The following MMP20 variants were observed in gnomAD, a reference collection of about 807,000 sequenced individuals.
MMP20 encodes the protein matrix metallopeptidase 20.
MMP20 carries 50 observed loss-of-function variants against 51.8 expected under a neutral mutation model. The observed-to-expected ratio is 0.97, with a 90% CI of 0.77 to 1.22. The LOEUF (loss-of-function observed/expected upper bound fraction) is 1.22, where lower values mean the gene tolerates loss of function less well. Ranked by LOEUF, MMP20 falls within the 50% of genes most tolerant of loss-of-function variation. The pLI, the probability that MMP20 is intolerant of heterozygous loss-of-function variation, is 0.00. For missense variants in MMP20, 663 were observed against 601.4 expected (o/e 1.10, Z -1.07); for synonymous variants, 244 against 216.2 (o/e 1.13, Z -1.13).
intron 1 of MMP20, among the ~76,000 whole-genome samples, chr11:102,620,342 A>G (rs1331340506): frequency 1.3e-5 from 2 of 152,176 alleles, no homozygotes; most frequent in African/African-American, 4.8e-5. Context: ...TTTCACTGTC[A>G]CAATATTCTA....
intron 8 of MMP20, among the ~76,000 whole-genome samples, chr11:102,586,429 C>T (rs1420248605): frequency 6.6e-6 from 1 of 152,112 alleles, no homozygotes; most frequent in Non-Finnish European, 1.5e-5. Context: ...TATTGGTATA[C>T]AATTGTTCAT....
chr11:102,606,401 A>T, intron 6 of MMP20, 134 bp downstream of exon 6: 2 of 1,203,250 alleles, frequency 1.7e-6, no homozygotes. Flanking sequence ...ACCCCTGCCT[A>T]CCACCCTTCT....
intron 8 of MMP20, among the ~76,000 whole-genome samples, chr11:102,580,026 A>T (rs1372286617): frequency 6.6e-6 from 1 of 152,248 alleles, no homozygotes; most frequent in Non-Finnish European, 1.5e-5. Context: ...GTAAATAAGA[A>T]GCAAGTAAAT....
intron 6 of MMP20, among the ~76,000 whole-genome samples, chr11:102,595,427 T>C (rs560634060): frequency 2.0e-5 from 3 of 152,318 alleles, no homozygotes; most frequent in African/African-American, 4.8e-5. Flanking sequence ...ATTCCAAATA[T>C]CACTTGATAC....
chr11:102,587,310 G>C (rs1859265689), intron 8 of MMP20, among the ~76,000 whole-genome samples: 1 of 152,182 alleles, frequency 6.6e-6, no homozygotes, highest in Non-Finnish European at 1.5e-5. Context: ...GTGATCAGAA[G>C]AGATACTTGT....
At chr11:102,577,868 T>C (rs901105230) in intron 9 of MMP20, among the ~76,000 whole-genome samples, 8 of 152,244 alleles carry the variant, frequency 5.3e-5, no homozygotes, top group Non-Finnish European at 1.5e-5. Flanking sequence ...GTCTACCACA[T>C]GACTCAACAC....
intron 5 of MMP20, among the ~76,000 whole-genome samples, chr11:102,608,427 T>G (rs17098947): frequency 0.087 from 13,212 of 152,294 alleles, 728 homozygotes; most frequent in Non-Finnish European, 0.13. Flanking sequence ...AACCTCAGCT[T>G]TCTCAGCTAT....
At chr11:102,594,207 C>T (rs1859352320) in intron 7 of MMP20, among the ~76,000 whole-genome samples, 1 of 152,190 alleles carries the variant, frequency 6.6e-6, no homozygotes. Context: ...TCAAAGGCGT[C>T]CTCCTCTCCT....
At chr11:102,601,129 T>TCG (rs1234671995) in intron 6 of MMP20, among the ~76,000 whole-genome samples, 14 of 36,744 alleles carry the variant, frequency 3.8e-4, no homozygotes, top group East Asian at 1.9e-3. Context: ...GCTATTCTTT[T>TCG]TTTTTTTTTT....
chr11:102,595,259 CT>C lies in MMP20; in HGVS notation c.954-503del, dbSNP rs201910392. On this transcript the variant is annotated intron_variant, in intron 6 of 9. Coordinates refer to ENST00000260228, the MANE Select transcript of MMP20 (RefSeq NM_004771.4). ...GCCATGTTTTTAAGGAAAAACACAACTTTTTGGACCTTGGTAAACAGTTTCT... is the reference window on the plus strand; with the variant it reads ...GCCATGTTTTTAAGGAAAAACACAACTTTTGGACCTTGGTAAACAGTTTCT... 2.6e-5 allele frequency among the ~76,000 whole-genome samples: 4 copies of C among 152,246 alleles called. No homozygotes were observed. In the East Asian group the frequency reaches 7.7e-4, roughly 29 times the overall value.
Position 102,594,704 on chromosome 11 carries a change from A to G in MMP20, c.1007T>C (p.Ile336Thr), listed in dbSNP as rs909324490. The G allele has an allele frequency of 1.9e-6, 3 of 1,612,424 alleles. No individual in the cohort carries two copies. The highest frequency in any genetic ancestry group is 2.7e-5 in the African/African-American group (2 of 74,548). The stretch of plus-strand genomic sequence containing the variant: ...CATGAGCTGGGGGAAGGAGCTGGTA[A>G]TAGTGCTGGGCCGAATTCCTGTCCG... ...HLRTGIRPST[I>T]TSSFPQLMSN... Residue 336 changes from isoleucine to threonine, a missense_variant, in exon 7 of 10, where the codon ATT (isoleucine) becomes ACT (threonine). Coordinates refer to ENST00000260228, the MANE Select transcript of MMP20 (RefSeq NM_004771.4).
chr11:102,593,726 G>A, intron 7 of MMP20, 131 bp from the exon 8 acceptor site: 1 of 981,176 alleles, frequency 1.0e-6, no homozygotes. Context: ...AACCCAACAA[G>A]AGATATAAGC....
intron 8 of MMP20, among the ~76,000 whole-genome samples, chr11:102,593,068 T>C (rs557625725): frequency 1.3e-5 from 2 of 152,094 alleles, no homozygotes; most frequent in Non-Finnish European, 2.9e-5. Flanking sequence ...AATCATGGAG[T>C]ATTGTGGGAT....
chr11:102,590,441 G>A lies in MMP20; in HGVS notation c.1247+2998C>T, dbSNP rs555370089. Among the ~76,000 whole-genome samples the A allele has an allele frequency of 3.9e-5, 6 of 152,268 alleles. No homozygotes were observed. The East Asian group carries it at 5.8e-4, about 15-fold the overall frequency. Reference sequence around the variant, plus strand: ...ATAAGTAACTACCACACAGAGACATGGGTCCTCCCTTTTAGAGCCTAATCC... The same window carrying A: ...ATAAGTAACTACCACACAGAGACATAGGTCCTCCCTTTTAGAGCCTAATCC... On this transcript the variant is annotated intron_variant, in intron 8 of 9. Coordinates refer to ENST00000260228, the MANE Select transcript of MMP20 (RefSeq NM_004771.4).
intron 4 of MMP20, 105 bp downstream of exon 4, chr11:102,609,800 C>T (rs1441990756): frequency 6.6e-7 from 1 of 1,510,292 alleles, no homozygotes; most frequent in Non-Finnish European, 9.2e-7. Flanking sequence ...CTAGCCAGCC[C>T]CCCTAGTTAA....
intron 6 of MMP20, among the ~76,000 whole-genome samples, chr11:102,595,343 A>T (rs1179634773): frequency 6.6e-6 from 1 of 152,184 alleles, no homozygotes; most frequent in East Asian, 1.9e-4. Flanking sequence ...TTATTTAAGG[A>T]TGTTCAAAAT....
intron 7 of MMP20, 48 bp downstream of exon 7, chr11:102,594,573 G>A: frequency 6.2e-7 from 1 of 1,608,316 alleles, no homozygotes; most frequent in Non-Finnish European, 8.5e-7. Context: ...CAAATGAATG[G>A]GGCACTGCAG....
At chr11:102,587,523 A>G (rs567834394) in intron 8 of MMP20, among the ~76,000 whole-genome samples, 6 of 152,234 alleles carry the variant, frequency 3.9e-5, no homozygotes, top group African/African-American at 1.4e-4. Context: ...TGGTTGTTCT[A>G]TCCATTACTG....
chr11:102,577,448 T>C (rs182582017), intron 9 of MMP20, 22 bp from the exon 10 acceptor site: 5 of 1,539,176 alleles, frequency 3.2e-6, no homozygotes, highest in African/African-American at 1.4e-5. Flanking sequence ...AAAGTTGAAA[T>C]TGGGTTACTG....
Sources: gnomAD v4.1 joint callset for allele counts (sites outside exome capture counted in the v4.1 genomes callset) on GRCh38, gnomAD v4.1.1 for gene constraint, MANE v1.5 for transcripts, NCBI Gene and HGNC (gene_info 2026-07-23, HGNC 2026-07-21) for gene names.